Variants in CSMD1 observed in about 807,000 individuals in gnomAD.
CSMD1 encodes CUB and Sushi multiple domains 1, also known as CUB and sushi domain-containing protein 1.
CSMD1 carries 213 observed loss-of-function variants against 417.5 expected under a neutral mutation model. The ratio of observed to expected loss-of-function variants is 0.51; its 90% confidence interval spans 0.46 to 0.57. CSMD1 has a LOEUF of 0.57. Among genes scored for constraint, CSMD1 ranks in the 20% least tolerant of loss-of-function variants. The pLI, the probability that CSMD1 is intolerant of heterozygous loss-of-function variation, is 0.00. For missense variants in CSMD1, 6,923 were observed against 4,529.7 expected, an observed-to-expected ratio of 1.53 and a Z score of -15.17; for synonymous variants, 2,862 against 1,736.8, an observed-to-expected ratio of 1.65 and a Z score of -16.11.
At position 4,660,342 on chromosome 8, in the gene CSMD1, C is replaced by A. The variant is rs372946144; in HGVS notation, c.86-22784G>T. 1.0e-4 allele frequency among the ~76,000 whole-genome samples: 15 copies of A among 150,136 alleles called. No individual in the cohort carries two copies. In the East Asian group the frequency reaches 3.0e-3, roughly 30 times the overall value. Reference sequence around the variant, plus strand: ...CAAAAATACTTAGGTGTAAATCTAGCAAAACACATACAGGATGTGTTTGCT... The same window carrying A: ...CAAAAATACTTAGGTGTAAATCTAGAAAAACACATACAGGATGTGTTTGCT... On this transcript the variant is annotated intron_variant, in intron 1 of 69. Transcript: ENST00000635120.
intron 6 of CSMD1, among the ~76,000 whole-genome samples, chr8:3,718,179 G>A (rs367907669): frequency 3.0e-4 from 45 of 152,270 alleles, no homozygotes; most frequent in African/African-American, 4.1e-4. Context: ...TACGAGAAGC[G>A]AGTTGTTAGT....
At chr8:3,384,517 A>G (rs969475261) in intron 18 of CSMD1, among the ~76,000 whole-genome samples, 5 of 150,924 alleles carry the variant, frequency 3.3e-5, no homozygotes, top group East Asian at 1.9e-4. Flanking sequence ...TTAGTTTTTC[A>G]TATGCTCTGA....
chr8:3,619,272 G>C (rs977949312), intron 7 of CSMD1, among the ~76,000 whole-genome samples: 1 of 152,120 alleles, frequency 6.6e-6, no homozygotes, highest in Non-Finnish European at 1.5e-5. Context: ...AACACCTAAA[G>C]TCTTCAGTCC....
intron 5 of CSMD1, among the ~76,000 whole-genome samples, chr8:3,984,843 C>T (rs879117864): frequency 6.7e-6 from 1 of 148,672 alleles, no homozygotes; most frequent in Non-Finnish European, 1.5e-5. Flanking sequence ...GAAAAAGGAG[C>T]AAGAAGAAAG....
intron 1 of CSMD1, among the ~76,000 whole-genome samples, chr8:4,736,772 C>G (rs572372756): frequency 1.3e-5 from 2 of 152,138 alleles, no homozygotes; most frequent in East Asian, 3.9e-4. Context: ...TGTTTGTGTC[C>G]CCACTCTAAC....
intron 54 of CSMD1, among the ~76,000 whole-genome samples, 177 bp from the exon 55 acceptor site, chr8:2,978,977 T>G (rs1585085429): frequency 6.6e-6 from 1 of 152,310 alleles, no homozygotes; most frequent in South Asian, 2.1e-4. Context: ...ACCACTCTTT[T>G]TCAAGAGGTG....
intron 1 of CSMD1, among the ~76,000 whole-genome samples, chr8:4,723,051 T>A (rs1346720859): frequency 6.6e-6 from 1 of 152,140 alleles, no homozygotes; most frequent in African/African-American, 2.4e-5. Flanking sequence ...AAAACAGTAT[T>A]GATCTCCTTT....
At chr8:4,155,069 G>C (rs181730308) in intron 3 of CSMD1, among the ~76,000 whole-genome samples, 198 of 152,274 alleles carry the variant, frequency 1.3e-3, no homozygotes, top group Middle Eastern at 0.01. Context: ...TTCCAGGCCC[G>C]ATTTGTGCTT....
chr8:3,365,650 T>G (rs1809511771), intron 20 of CSMD1, among the ~76,000 whole-genome samples: 1 of 152,200 alleles, frequency 6.6e-6, no homozygotes, highest in South Asian at 2.1e-4. Flanking sequence ...AAGCACAAAA[T>G]ATATGTAGAT....
At chr8:4,276,358 G>C (rs958517398) in intron 3 of CSMD1, among the ~76,000 whole-genome samples, 1 of 152,168 alleles carries the variant, frequency 6.6e-6, no homozygotes, top group South Asian at 2.1e-4. Flanking sequence ...GTCATTGTCA[G>C]CAAACTATCA....
At chr8:4,930,060 C>T (rs1025613001) in intron 1 of CSMD1, among the ~76,000 whole-genome samples, 2 of 152,176 alleles carry the variant, frequency 1.3e-5, no homozygotes, top group African/African-American at 4.8e-5. Context: ...GCAAACCCCA[C>T]AGGGCCAAGG....
At chr8:3,293,988 G>A (rs931977698) in intron 25 of CSMD1, among the ~76,000 whole-genome samples, 7 of 151,108 alleles carry the variant, frequency 4.6e-5, no homozygotes, top group South Asian at 2.1e-4. Flanking sequence ...TGATGATGAC[G>A]TACAGATGGG....
At chr8:3,221,898 C>T (rs944822713) in intron 28 of CSMD1, among the ~76,000 whole-genome samples, 6 of 151,950 alleles carry the variant, frequency 3.9e-5, no homozygotes, top group Admixed American at 3.9e-4. Flanking sequence ...AGACTCCCAC[C>T]CTCCCATAAA....
chr8:4,236,026 G>GTTTTTTTTTTTTTTTTTTTTTTTTTTTT (rs147378202), intron 3 of CSMD1, among the ~76,000 whole-genome samples: 1 of 108,086 alleles, frequency 9.3e-6, no homozygotes, highest in African/African-American at 4.2e-5. Flanking sequence ...AATGGATATT[G>GTTTTTTTTTTTTTTTTTTTTTTTTTTTT]TTTTTTTTGT....
intron 26 of CSMD1, among the ~76,000 whole-genome samples, chr8:3,281,585 G>A (rs955604727): frequency 6.6e-6 from 1 of 152,130 alleles, no homozygotes; most frequent in Non-Finnish European, 1.5e-5. Context: ...AACATGAAAG[G>A]CCACACACTG....
intron 7 of CSMD1, among the ~76,000 whole-genome samples, chr8:3,680,500 C>T (rs955867455): frequency 6.6e-6 from 1 of 152,184 alleles, no homozygotes; most frequent in Admixed American, 6.5e-5. Flanking sequence ...GAAGTTGAAT[C>T]TCTGAATAGA....
rs71205453 is a variant in CSMD1 at position 4,388,321 on chromosome 8, G to GACAC, written c.415+31628_415+31631dup. ...ACTGTGATACACACACACACACACA[G>GACAC]ACACACACACACACACACACACACG... On this transcript the variant is annotated intron_variant, in intron 3 of 69. Coordinates refer to ENST00000635120, the MANE Select transcript of CSMD1 (RefSeq NM_033225.6). Among the ~76,000 whole-genome samples, 8 of 95,596 alleles carry GACAC rather than the reference G, an allele frequency of 8.4e-5. No homozygotes were observed. In the South Asian group the frequency reaches 1.8e-3, roughly 22 times the overall value. The allele number at this position is 95,596 out of a possible 152,430, so 62.7% of individuals were successfully genotyped here.
rs141393288 is a variant in CSMD1 at position 3,427,303 on chromosome 8, C to G, written c.1562-17698G>C. On this transcript the variant is annotated intron_variant, in intron 12 of 69. Coordinates refer to ENST00000635120, the MANE Select transcript of CSMD1 (RefSeq NM_033225.6). ...AACCACAAAATGACACAAATAAAAT[C>G]AGAAGTGCAAACTGAAGTCCTGGAA... Among the ~76,000 whole-genome samples, 603 of 152,212 alleles carry G rather than the reference C, an allele frequency of 4.0e-3. 5 individuals are homozygous for G. The highest frequency in any genetic ancestry group is 0.014 in the African/African-American group (567 of 41,552).
chr8:4,087,136 T>C, intron 3 of CSMD1, among the ~76,000 whole-genome samples: 1 of 152,270 alleles, frequency 6.6e-6, no homozygotes, highest in East Asian at 1.9e-4. Context: ...GATGGGAGGT[T>C]GCGGAAATGG....
Sources: gnomAD v4.1 joint callset for allele counts (sites outside exome capture counted in the v4.1 genomes callset) on GRCh38, gnomAD v4.1.1 for gene constraint, MANE v1.5 for transcripts, NCBI Gene and HGNC (gene_info 2026-07-23, HGNC 2026-07-21) for gene names.